Variants in MMS22L observed in about 807,000 individuals in gnomAD.
MMS22L encodes the protein MMS22 like, DNA repair protein.
MMS22L carries 74 observed loss-of-function variants against 159.1 expected under a neutral mutation model. The ratio of observed to expected loss-of-function variants is 0.47; its 90% CI spans 0.39 to 0.56. The LOEUF is 0.56. MMS22L is among the 20% of genes least tolerant of loss of function. The pLI is 0.00. For synonymous variants in MMS22L, 517 were observed against 506.9 expected, an observed-to-expected ratio of 1.02 and a Z score of -0.27; for missense variants, 1,351 against 1,422.1, an observed-to-expected ratio of 0.95 and a Z score of 0.80.
At chr6:97,212,464 CTG>C (rs1040216609) in intron 14 of MMS22L, among the ~76,000 whole-genome samples, 1 of 152,208 alleles carries the variant, frequency 6.6e-6, no homozygotes, top group Non-Finnish European at 1.5e-5. Context: ...ATGGAAAACT[CTG>C]TCTAATAAAC....
intron 9 of MMS22L, chr6:97,259,893 T>C (rs945338170): frequency 1.3e-5 from 2 of 152,198 alleles, no homozygotes; most frequent in Non-Finnish European, 2.9e-5. Context: ...ATTTTAATTT[T>C]GGAGGGTACA....
intron 11 of MMS22L, among the ~76,000 whole-genome samples, chr6:97,234,729 T>C (rs1224423401): frequency 6.6e-6 from 1 of 152,090 alleles, no homozygotes; most frequent in Non-Finnish European, 1.5e-5. Flanking sequence ...GCTGTGAAAA[T>C]GAAACAAAGC....
intron 14 of MMS22L, among the ~76,000 whole-genome samples, chr6:97,223,200 T>A (rs916294264): frequency 6.6e-6 from 1 of 152,090 alleles, no homozygotes; most frequent in African/African-American, 2.4e-5. Flanking sequence ...AGATCCTTCC[T>A]ACCTATAATT....
chr6:97,178,655 C>CAT (rs1804369558), intron 17 of MMS22L, 70 bp from the exon 18 acceptor site: 2 of 726,944 alleles, frequency 2.8e-6, no homozygotes, highest in Non-Finnish European at 4.2e-6. Context: ...ACACATACAA[C>CAT]ATATATATAA....
intron 9 of MMS22L, 44 bp downstream of exon 9, chr6:97,263,291 T>C (rs1356643545): frequency 1.7e-6 from 2 of 1,167,112 alleles, no homozygotes; most frequent in Non-Finnish European, 2.5e-6. Flanking sequence ...TAAATCAATA[T>C]AAAGGTTAGT....
intron 9 of MMS22L, chr6:97,260,095 A>AT (rs970665658): frequency 6.6e-6 from 1 of 151,964 alleles, no homozygotes; most frequent in Non-Finnish European, 1.5e-5. Context: ...GGACTTGGAG[A>AT]TTTTTTCCTT....
intron 14 of MMS22L, among the ~76,000 whole-genome samples, chr6:97,214,597 G>C (rs73760106): frequency 6.6e-6 from 1 of 151,190 alleles, no homozygotes; most frequent in Non-Finnish European, 1.5e-5. Context: ...TATAATAGCA[G>C]CCTAATATTG....
intron 14 of MMS22L, among the ~76,000 whole-genome samples, chr6:97,193,746 C>A (rs753944750): frequency 5.3e-5 from 8 of 152,042 alleles, no homozygotes; most frequent in Non-Finnish European, 1.2e-4. Flanking sequence ...GTCTACATTT[C>A]ATTTGTTTAT....
At position 97,143,063 on chromosome 6, in the gene MMS22L, T is replaced by C. The variant is rs887572512; in HGVS notation, c.*3743A>G. On this transcript the variant is annotated 3_prime_UTR_variant, in exon 25 of 25. Transcript: ENST00000683635. ...GTCCTCCATGCTTCCTTCCTTGCCA[T>C]GGAAACGTTCTAATTAAATTGAAAT... The C allele has an allele frequency of 4.6e-5, 7 of 152,632 alleles. No homozygotes were observed. Among genetic ancestry groups the C allele is most frequent in the African/African-American group, 1.7e-4 (7 of 41,468 alleles). 9.5% of individuals were successfully genotyped at this position (152,632 alleles called of 1,614,324 possible).
At position 97,278,913 on chromosome 6, in the gene MMS22L, G is replaced by A; in HGVS notation, c.291-15C>T. On this transcript the variant is annotated splice_polypyrimidine_tract_variant and intron_variant, in intron 3 of 24. Coordinates refer to ENST00000683635, the MANE Select transcript of MMS22L (RefSeq NM_001350599.2). ...ACAGTTGTTGCCTAATTTTAAAAAT[G>A]TAAGGTGAGAGTTAATTTTAGAACA... 1.2e-6 allele frequency: 2 copies of A among 1,609,728 alleles called. No individual in the cohort carries two copies. Among genetic ancestry groups the A allele is most frequent in the Non-Finnish European group, 1.7e-6 (2 of 1,177,628 alleles).
intron 11 of MMS22L, among the ~76,000 whole-genome samples, chr6:97,235,752 G>A (rs1323126385): frequency 1.3e-5 from 2 of 152,144 alleles, no homozygotes; most frequent in Non-Finnish European, 2.9e-5. Context: ...AGGTGAGGAA[G>A]TAAATATTTA....
chr6:97,281,172 C>A (rs1582888787), intron 3 of MMS22L, 65 bp downstream of exon 3: 3 of 1,490,044 alleles, frequency 2.0e-6, no homozygotes, highest in East Asian at 2.3e-5. Context: ...TAGAAGCCAC[C>A]CAACAACGTA....
At chr6:97,218,050 GCTGCAC>G (rs1444409026) in intron 14 of MMS22L, among the ~76,000 whole-genome samples, 1 of 152,122 alleles carries the variant, frequency 6.6e-6, no homozygotes, top group Non-Finnish European at 1.5e-5. Context: ...GGACCCACTT[GCTGCAC>G]CTGTTTCCAT....
At chr6:97,211,772 TAAC>T (rs1027529413) in intron 14 of MMS22L, among the ~76,000 whole-genome samples, 3 of 152,174 alleles carry the variant, frequency 2.0e-5, no homozygotes, top group Middle Eastern at 3.2e-3. Context: ...AGTGCTATAA[TAAC>T]AATTCACTCA....
chr6:97,278,401 T>TC (rs1172118583), intron 4 of MMS22L, among the ~76,000 whole-genome samples: 6 of 112,578 alleles, frequency 5.3e-5, no homozygotes, highest in Admixed American at 2.9e-4. Flanking sequence ...GAACTCCCTA[T>TC]CAAAAAAAAA....
At chr6:97,257,438 T>C (rs1200445975) in intron 9 of MMS22L, among the ~76,000 whole-genome samples, 1 of 152,152 alleles carries the variant, frequency 6.6e-6, no homozygotes, top group Non-Finnish European at 1.5e-5. Context: ...TTCAGGTTTG[T>C]CTGACATTAC....
At chr6:97,247,246 T>G (rs1812761031) in intron 10 of MMS22L, among the ~76,000 whole-genome samples, 1 of 152,196 alleles carries the variant, frequency 6.6e-6, no homozygotes, top group African/African-American at 2.4e-5. Flanking sequence ...AGGTAGGCAC[T>G]TAAAACAATT....
At chr6:97,226,623 A>C (rs1326965964) in intron 14 of MMS22L, among the ~76,000 whole-genome samples, 1 of 151,818 alleles carries the variant, frequency 6.6e-6, no homozygotes, top group Non-Finnish European at 1.5e-5. Context: ...TTCTATATAC[A>C]CATATGTGTA....
At chr6:97,175,909 G>T (rs1458162271) in intron 18 of MMS22L, among the ~76,000 whole-genome samples, 1 of 152,134 alleles carries the variant, frequency 6.6e-6, no homozygotes, top group Non-Finnish European at 1.5e-5. Context: ...TACTTTGTCA[G>T]TTGTTCTTTT....
Sources: allele counts gnomAD v4.1 joint callset (sites outside exome capture counted in the v4.1 genomes callset), GRCh38; gene constraint gnomAD v4.1.1; transcripts MANE v1.5; gene names NCBI Gene and HGNC (gene_info 2026-07-23, HGNC 2026-07-21).